MOXD1: variants seen among roughly 807,000 people sequenced by gnomAD.
The protein encoded by MOXD1 is DBH-like monooxygenase protein 1.
In MOXD1, 62 loss-of-function variants were observed where a neutral mutation model predicts 66.6. The ratio of observed to expected loss-of-function variants is 0.93; its 90% confidence interval spans 0.76 to 1.15. MOXD1 has a LOEUF of 1.15. MOXD1 is among the 50% of genes most tolerant of loss of function. MOXD1 has a pLI of 0.00. For synonymous variants in MOXD1, 303 were observed against 281.9 expected (o/e 1.07, Z -0.75); for missense variants, 847 against 754.6 (o/e 1.12, Z -1.44).
At chr6:132,339,867 C>CTTTTTTT (rs373137834) in intron 4 of MOXD1, among the ~76,000 whole-genome samples, 1 of 132,356 alleles carries the variant, frequency 7.6e-6, no homozygotes. Flanking sequence ...AGCTACAGCT[C>CTTTTTTT]TTTTTTTTTT....
At chr6:132,326,003 T>C (rs2114578613) in intron 6 of MOXD1, among the ~76,000 whole-genome samples, 1 of 152,358 alleles carries the variant, frequency 6.6e-6, no homozygotes, top group South Asian at 2.1e-4. Context: ...TTGCAAAATT[T>C]TGTTTTGTAT....
intron 4 of MOXD1, among the ~76,000 whole-genome samples, chr6:132,370,242 T>C (rs1407134617): frequency 6.6e-6 from 1 of 152,052 alleles, no homozygotes; most frequent in Non-Finnish European, 1.5e-5. Flanking sequence ...TTTCTTAAAT[T>C]ATTAGAAATC....
intron 10 of MOXD1, among the ~76,000 whole-genome samples, chr6:132,305,006 G>A (rs557556608): frequency 1.3e-5 from 2 of 152,244 alleles, no homozygotes; most frequent in South Asian, 2.1e-4. Context: ...CCAAACTCCC[G>A]AGGGCAGGGT....
intron 4 of MOXD1, among the ~76,000 whole-genome samples, chr6:132,357,152 C>A (rs963589918): frequency 6.6e-6 from 1 of 151,998 alleles, no homozygotes; most frequent in African/African-American, 2.4e-5. Flanking sequence ...CACATCATAT[C>A]ACATATGAAT....
intron 1 of MOXD1, among the ~76,000 whole-genome samples, chr6:132,384,285 C>CCTTCCTTCCTTCCTT (rs988203505): frequency 1.1e-5 from 1 of 94,910 alleles, no homozygotes; most frequent in Admixed American, 1.2e-4. Context: ...TTCCTTCCTT[C>CCTTCCTTCCTTCCTT]CTTCCTCCTT....
rs374316819 is a variant in MOXD1, at chr6:132,349,420, T to C, written c.664-20826A>G. On this transcript the variant is annotated intron_variant, in intron 4 of 11. Transcript: ENST00000367963. ...ACATATATATACATATATATATATA[T>C]ACATATATATATATACATATATATA... is the stretch of plus-strand genomic sequence containing the variant. Among the ~76,000 whole-genome samples the C allele has an allele frequency of 5.6e-3, 351 of 62,450 alleles. 36 individuals are homozygous for C. Among genetic ancestry groups the C allele is most frequent in the Middle Eastern group, 0.03 (4 of 132 alleles). The allele number at this position is 62,450 out of a possible 152,430, so 41.0% of individuals were successfully genotyped here.
intron 1 of MOXD1, among the ~76,000 whole-genome samples, chr6:132,384,002 G>T (rs907653042): frequency 4.6e-5 from 7 of 151,440 alleles, no homozygotes; most frequent in African/African-American, 1.7e-4. Context: ...CCCGGGAGGT[G>T]GAGGTTGCAG....
At chr6:132,363,475 A>C (rs1389695991) in intron 4 of MOXD1, among the ~76,000 whole-genome samples, 6 of 152,184 alleles carry the variant, frequency 3.9e-5, no homozygotes, top group African/African-American at 1.4e-4. Context: ...TCTTCCACGC[A>C]AATTATTTTT....
At chr6:132,319,771 A>G (rs1329243245) in intron 9 of MOXD1, among the ~76,000 whole-genome samples, 2 of 151,806 alleles carry the variant, frequency 1.3e-5, no homozygotes, top group African/African-American at 4.8e-5. Flanking sequence ...AATATTTGCT[A>G]TAGCTTTTTC....
intron 4 of MOXD1, among the ~76,000 whole-genome samples, chr6:132,359,108 G>A (rs1470059625): frequency 1.3e-5 from 2 of 150,912 alleles, no homozygotes; most frequent in Non-Finnish European, 2.9e-5. Context: ...CTTAGGAACT[G>A]CCTGCAGCTT....
Position 132,318,008 on chromosome 6 carries a change from C to T in MOXD1, c.1366-2231G>A, listed in dbSNP as rs763461541. ...ATCAACATTATTTGTTCTTCAGATA[C>T]ACTCAAGTTAATATAGGCAGCTTTC... is the stretch of plus-strand genomic sequence containing the variant. On this transcript the variant is annotated intron_variant, in intron 9 of 11. Coordinates refer to ENST00000367963, the MANE Select transcript of MOXD1 (RefSeq NM_015529.4). Among the ~76,000 whole-genome samples, 73 of 152,096 alleles carry T rather than the reference C, an allele frequency of 4.8e-4. 1 individual carries two copies.
At position 132,371,964 on chromosome 6, in the gene MOXD1, G is replaced by T. The variant is rs182427785; in HGVS notation, c.663+644C>A. On this transcript the variant is annotated intron_variant, in intron 4 of 11. Transcript: ENST00000367963. ...ATGGATCATACCTTTGGCCTCTGTG[G>T]AATTAACAATTACTAGCACGGAGCC... Among the ~76,000 whole-genome samples the T allele has an allele frequency of 1.2e-4, 19 of 152,232 alleles. No individual in the cohort carries two copies. The East Asian group carries it at 3.3e-3, about 26-fold the overall frequency.
Position 132,320,803 on chromosome 6 carries a change from T to C in MOXD1, c.1306-115A>G, listed in dbSNP as rs112129017. On this transcript the variant is annotated intron_variant, in intron 8 of 11. Transcript: ENST00000367963. ...GTATGAATGGATGCGCCAAGTAATTTCATTCAGCAGAAGACCCCTGATCTG... is the reference window on the plus strand; with the variant it reads ...GTATGAATGGATGCGCCAAGTAATTCCATTCAGCAGAAGACCCCTGATCTG... 3.0e-3 allele frequency: 2,462 copies of C among 827,494 alleles called. 30 individuals are homozygous for C. In the African/African-American group the frequency reaches 0.03, roughly 10 times the overall value. 51.3% of individuals were successfully genotyped at this position (827,494 alleles called of 1,614,324 possible). A position where few individuals can be genotyped will look rare whatever the true frequency, so the allele number is the denominator to read the frequency against.
intron 1 of MOXD1, among the ~76,000 whole-genome samples, chr6:132,396,673 A>G (rs1776887216): frequency 6.6e-6 from 1 of 152,138 alleles, no homozygotes; most frequent in Non-Finnish European, 1.5e-5. Context: ...CATAAAATCA[A>G]AAATGAAAAA....
chr6:132,325,664 C>T (rs1775171120), intron 6 of MOXD1, among the ~76,000 whole-genome samples: 2 of 152,148 alleles, frequency 1.3e-5, no homozygotes, highest in Admixed American at 1.3e-4. Flanking sequence ...TATAGCAGCA[C>T]AGAACAGATG....
intron 1 of MOXD1, among the ~76,000 whole-genome samples, chr6:132,385,518 C>T (rs542883573): frequency 6.7e-6 from 1 of 149,274 alleles, no homozygotes; most frequent in South Asian, 2.1e-4. Flanking sequence ...CAGTTTCACT[C>T]CATTACCCAG....
chr6:132,328,360 TG>T, intron 5 of MOXD1, 54 bp downstream of exon 5: 1 of 1,561,748 alleles, frequency 6.4e-7, no homozygotes, highest in Non-Finnish European at 8.8e-7. Context: ...ATCATATTTG[TG>T]GCGGGAAATA....
intron 1 of MOXD1, among the ~76,000 whole-genome samples, chr6:132,383,734 C>G (rs914847344): frequency 1.3e-5 from 2 of 152,180 alleles, no homozygotes; most frequent in Admixed American, 1.3e-4. Context: ...GAATAAGATA[C>G]TACTTTGCCT....
At chr6:132,302,360 A>T (rs1458212318) in intron 10 of MOXD1, among the ~76,000 whole-genome samples, 2 of 152,202 alleles carry the variant, frequency 1.3e-5, no homozygotes, top group Non-Finnish European at 1.5e-5. Context: ...TCAAAAAATT[A>T]TTAAACACAT....
Sources: allele counts gnomAD v4.1 joint callset (sites outside exome capture counted in the v4.1 genomes callset), GRCh38; gene constraint gnomAD v4.1.1; transcripts MANE v1.5; gene names NCBI Gene and HGNC (gene_info 2026-07-23, HGNC 2026-07-21).